The following WDPCP variants were observed in gnomAD, a reference collection of about 807,000 sequenced individuals.
The protein encoded by WDPCP is WD repeat containing planar cell polarity effector.
In WDPCP, 71 loss-of-function variants were observed where a neutral mutation model predicts 93.1. The ratio of observed to expected loss-of-function variants is 0.76; its 90% CI spans 0.63 to 0.93. The LOEUF is 0.93. Ranked by LOEUF, WDPCP falls within the 40% of genes least tolerant of loss-of-function variation. The pLI is 0.00. For missense variants in WDPCP, 844 were observed against 887.4 expected (o/e 0.95, Z 0.62); for synonymous variants, 315 against 315.0 (o/e 1.00, Z 0.00).
chr2:63,377,959 C>T (rs1691993856), intron 12 of WDPCP: 1 of 161,138 alleles, frequency 6.2e-6, no homozygotes, highest in Admixed American at 6.0e-5. Context: ...TAGAAACTTG[C>T]CACATTATAT....
chr2:63,426,682 C>T (rs4671061), intron 9 of WDPCP, among the ~76,000 whole-genome samples: 70,015 of 151,986 alleles, frequency 0.46, 16,729 homozygotes, highest in African/African-American at 0.57. Context: ...CAGCTAGTAA[C>T]ACAATGACAG....
intron 3 of WDPCP, among the ~76,000 whole-genome samples, chr2:63,644,653 T>C (rs920342039): frequency 1.3e-5 from 2 of 152,256 alleles, no homozygotes; most frequent in African/African-American, 2.4e-5. Context: ...TTTTCTTTAC[T>C]GTGACACTTT....
intron 17 of WDPCP, among the ~76,000 whole-genome samples, chr2:63,145,182 G>T (rs556052190): frequency 6.6e-6 from 1 of 152,170 alleles, no homozygotes; most frequent in Non-Finnish European, 1.5e-5. Flanking sequence ...GATGGACTCC[G>T]TGAGGGTTCT....
chr2:63,369,211 T>C (rs1691182321), intron 12 of WDPCP: 2 of 324,186 alleles, frequency 6.2e-6, no homozygotes, highest in Admixed American at 7.6e-5. Context: ...CATACTAATT[T>C]CTGCTGGTAC....
chr2:63,152,846 T>C, intron 17 of WDPCP, 68 bp downstream of exon 17: 1 of 1,474,644 alleles, frequency 6.8e-7, no homozygotes, highest in Non-Finnish European at 9.5e-7. Context: ...GAGTTCAAAA[T>C]AATCACATAC....
intron 2 of WDPCP, among the ~76,000 whole-genome samples, chr2:63,733,424 G>C (rs552020336): frequency 4.1e-5 from 6 of 146,440 alleles, no homozygotes; most frequent in Non-Finnish European, 9.1e-5. Context: ...GGATGGTCTC[G>C]ATCTCCTGAC....
chr2:63,153,504 T>G lies in WDPCP; in HGVS notation c.2149A>C (p.Asn717His), dbSNP rs748189167. The G allele has an allele frequency of 5.6e-6, 9 of 1,611,472 alleles. No homozygotes were observed. Among genetic ancestry groups the G allele is most frequent in the Non-Finnish European group, 7.6e-6 (9 of 1,178,164 alleles). ...TCTTGAATACCATTACCTTCTGCAT[T>G]ACAGGTATTAGTCATCAAAAATCCA... ...CSGFLMTNTC[N>H]AEDGELREDG... The change falls in exon 16 of 18, where the codon AAT (asparagine) becomes CAT (histidine). Residue 717 changes from asparagine (N) to histidine (H), a missense_variant. Transcript: ENST00000272321.
intron 13 of WDPCP, among the ~76,000 whole-genome samples, chr2:63,298,740 A>G (rs1244036965): frequency 2.0e-5 from 3 of 152,132 alleles, no homozygotes; most frequent in African/African-American, 7.2e-5. Context: ...ACATAGAGGC[A>G]AAGGTCCTAT....
intron 2 of WDPCP, among the ~76,000 whole-genome samples, chr2:63,697,332 A>G (rs1668974202): frequency 6.6e-6 from 1 of 152,226 alleles, no homozygotes; most frequent in South Asian, 2.1e-4. Flanking sequence ...GACACGCCCA[A>G]GGGTCACACG....
chr2:63,701,067 A>G (rs1669041933), intron 2 of WDPCP, among the ~76,000 whole-genome samples: 1 of 152,228 alleles, frequency 6.6e-6, no homozygotes, highest in African/African-American at 2.4e-5. Context: ...GGTAGAGACA[A>G]TCCACAGAAT....
rs147923907 is a variant in WDPCP, at chr2:63,242,004, T to C, written c.1915+17303A>G. The stretch of plus-strand genomic sequence containing the variant: ...GTGATGACATGTCTCTGGTAACAAA[T>C]AGGAAGATAAATAATGATTCCAATT... On this transcript the variant is annotated intron_variant, in intron 14 of 17. Coordinates refer to ENST00000272321, the MANE Select transcript of WDPCP (RefSeq NM_015910.7). 2.1e-3 allele frequency among the ~76,000 whole-genome samples: 318 copies of C among 152,252 alleles called. 2 individuals carry two copies. The highest frequency in any genetic ancestry group is 7.1e-3 in the African/African-American group (297 of 41,564).
chr2:63,256,063 C>T (rs1681114977), intron 14 of WDPCP, among the ~76,000 whole-genome samples: 1 of 152,108 alleles, frequency 6.6e-6, no homozygotes, highest in Non-Finnish European at 1.5e-5. Flanking sequence ...AGATCATATT[C>T]ATGGATTGGA....
chr2:63,633,367 A>G (rs1709884654), intron 3 of WDPCP, among the ~76,000 whole-genome samples: 1 of 152,220 alleles, frequency 6.6e-6, no homozygotes, highest in South Asian at 2.1e-4. Context: ...TAAAGACAAA[A>G]GCATTAAAAA....
At chr2:63,766,420 C>T (rs1287207436) in intron 2 of WDPCP, among the ~76,000 whole-genome samples, 1 of 151,288 alleles carries the variant, frequency 6.6e-6, no homozygotes, top group Non-Finnish European at 1.5e-5. Flanking sequence ...GCCTTGAATT[C>T]CTGGGTTCAA....
intron 13 of WDPCP, among the ~76,000 whole-genome samples, chr2:63,259,832 T>C (rs961732138): frequency 1.3e-5 from 2 of 152,208 alleles, no homozygotes; most frequent in Non-Finnish European, 2.9e-5. Flanking sequence ...TTTGTTATTA[T>C]TAATATTACT....
intron 1 of WDPCP, among the ~76,000 whole-genome samples, chr2:63,546,824 G>A (rs1705185294): frequency 6.6e-6 from 1 of 151,744 alleles, no homozygotes; most frequent in African/African-American, 2.4e-5. Flanking sequence ...TTAATATATT[G>A]GAATCAGGCA....
chr2:63,338,564 A>AT (rs1688593526), intron 12 of WDPCP, among the ~76,000 whole-genome samples: 1 of 23,344 alleles, frequency 4.3e-5, no homozygotes, highest in Non-Finnish European at 6.6e-5. Context: ...AAAAAAAAAA[A>AT]AAAAAATATA....
chr2:63,819,141 A>C (rs1670982182), intron 1 of WDPCP, among the ~76,000 whole-genome samples: 1 of 152,172 alleles, frequency 6.6e-6, no homozygotes, highest in Admixed American at 6.5e-5. Context: ...CTTAATTAGG[A>C]TATGGAGGGC....
At position 63,435,244 on chromosome 2, in the gene WDPCP, T is replaced by C. The variant is rs540894342; in HGVS notation, c.634-1308A>G. On this transcript the variant is annotated intron_variant, in intron 8 of 17. Transcript: ENST00000272321. ...TAAAGGTCAATAGTTTAAGGATGTT[T>C]ACTCTGCAATTTTCTTTGCCAAAAT... 1.1e-4 allele frequency among the ~76,000 whole-genome samples: 16 copies of C among 152,280 alleles called. 1 individual carries two copies. Among genetic ancestry groups the C allele is most frequent in the African/African-American group, 3.6e-4 (15 of 41,586 alleles).
Sources: allele counts gnomAD v4.1 joint callset (sites outside exome capture counted in the v4.1 genomes callset), GRCh38; gene constraint gnomAD v4.1.1; transcripts MANE v1.5; gene names NCBI Gene and HGNC (gene_info 2026-07-23, HGNC 2026-07-21).